CTNNA3: variants seen among roughly 807,000 people sequenced by gnomAD.
CTNNA3 encodes the protein catenin alpha-3.
In CTNNA3, 76 loss-of-function variants were observed where a neutral mutation model predicts 95.7. The observed-to-expected ratio is 0.79, with a 90% CI of 0.66 to 0.96. CTNNA3 has a LOEUF of 0.96. Ranked by LOEUF, CTNNA3 falls within the 40% of genes least tolerant of loss-of-function variation. CTNNA3 has a pLI of 0.00. For missense variants in CTNNA3, 1,191 were observed against 1,089.8 expected, an observed-to-expected ratio of 1.09 and a Z score of -1.31; for synonymous variants, 431 against 374.4, an observed-to-expected ratio of 1.15 and a Z score of -1.74.
At chr10:67,566,043 G>GTATATATATATATATATATATATATATA (rs772272609) in intron 3 of CTNNA3, among the ~76,000 whole-genome samples, 332 of 26,800 alleles carry the variant, frequency 0.012, 34 homozygotes, top group Middle Eastern at 0.025. Flanking sequence ...ATGTGTGTGT[G>GTATATATATATATATATATATATATATA]TATATATATA....
intron 13 of CTNNA3, among the ~76,000 whole-genome samples, chr10:66,161,671 G>A (rs1388639939): frequency 6.6e-6 from 1 of 152,176 alleles, no homozygotes; most frequent in East Asian, 1.9e-4. Flanking sequence ...TGATGACAAT[G>A]TGCCTAGGCA....
At chr10:66,042,832 G>A (rs1438471000) in intron 15 of CTNNA3, among the ~76,000 whole-genome samples, 3 of 143,130 alleles carry the variant, frequency 2.1e-5, no homozygotes, top group South Asian at 2.3e-4. Flanking sequence ...CCCAGGAGGC[G>A]GAGGTTGCAG....
chr10:66,232,893 C>T (rs1178960348), intron 13 of CTNNA3, among the ~76,000 whole-genome samples: 1 of 152,056 alleles, frequency 6.6e-6, no homozygotes, highest in Admixed American at 6.5e-5. Flanking sequence ...CGCGGTGGCT[C>T]ACGCCTGTAA....
intron 11 of CTNNA3, among the ~76,000 whole-genome samples, chr10:66,442,392 A>G (rs954322142): frequency 6.6e-6 from 1 of 152,148 alleles, no homozygotes; most frequent in Non-Finnish European, 1.5e-5. Flanking sequence ...CTTGACCTCA[A>G]GCTTTTTAAA....
At chr10:66,239,917 A>T (rs896684788) in intron 13 of CTNNA3, among the ~76,000 whole-genome samples, 16 of 152,066 alleles carry the variant, frequency 1.1e-4, no homozygotes, top group African/African-American at 3.9e-4. Context: ...ATAAACACTA[A>T]AGTAGAAAAC....
chr10:66,157,914 T>C (rs1163271915), intron 13 of CTNNA3, among the ~76,000 whole-genome samples: 1 of 152,146 alleles, frequency 6.6e-6, no homozygotes, highest in Admixed American at 6.6e-5. Flanking sequence ...TGATCATTAG[T>C]GATGTTGAGC....
chr10:67,643,547 T>C (rs1839608182), intron 2 of CTNNA3, among the ~76,000 whole-genome samples: 1 of 152,110 alleles, frequency 6.6e-6, no homozygotes, highest in Non-Finnish European at 1.5e-5. Context: ...TTTTTTCTTT[T>C]ATTATACCTT....
At chr10:66,621,441 T>C (rs965085805) in intron 10 of CTNNA3, among the ~76,000 whole-genome samples, 2 of 151,752 alleles carry the variant, frequency 1.3e-5, no homozygotes, top group African/African-American at 4.8e-5. Context: ...CTGGCCAACA[T>C]GGTGAAACCC....
At chr10:67,487,055 T>G (rs985920036) in intron 5 of CTNNA3, among the ~76,000 whole-genome samples, 3 of 152,142 alleles carry the variant, frequency 2.0e-5, no homozygotes, top group African/African-American at 7.2e-5. Flanking sequence ...GCCCCATCAG[T>G]GTCCCAGGCA....
chr10:66,279,178 C>A (rs764061251), intron 13 of CTNNA3, among the ~76,000 whole-genome samples: 1 of 151,984 alleles, frequency 6.6e-6, no homozygotes, highest in Non-Finnish European at 1.5e-5. Flanking sequence ...TGCCAGACTC[C>A]GTAATATTTA....
At chr10:67,715,065 G>C (rs1242940842) in intron 1 of CTNNA3, among the ~76,000 whole-genome samples, 1 of 152,164 alleles carries the variant, frequency 6.6e-6, no homozygotes, top group Non-Finnish European at 1.5e-5. Flanking sequence ...GCACAATTGA[G>C]AGAGCTCTTG....
At chr10:66,118,271 C>G (rs1476362501) in intron 13 of CTNNA3, 1 of 152,110 alleles carries the variant, frequency 6.6e-6, no homozygotes, top group Non-Finnish European at 1.5e-5. Flanking sequence ...CTCTCTGTTA[C>G]TACTCCCTTT....
intron 5 of CTNNA3, among the ~76,000 whole-genome samples, chr10:67,232,766 A>G (rs1865277207): frequency 6.6e-6 from 1 of 151,868 alleles, no homozygotes; most frequent in South Asian, 2.1e-4. Flanking sequence ...CAGGAAACCC[A>G]TCTCACGTGC....
intron 9 of CTNNA3, among the ~76,000 whole-genome samples, chr10:66,680,158 C>T (rs1022060116): frequency 4.6e-5 from 6 of 130,770 alleles, no homozygotes; most frequent in African/African-American, 1.9e-4. Flanking sequence ...CCACCATGCC[C>T]GACTAATGTT....
intron 5 of CTNNA3, among the ~76,000 whole-genome samples, chr10:67,402,819 C>A (rs925723501): frequency 4.6e-5 from 7 of 152,166 alleles, no homozygotes; most frequent in African/African-American, 1.7e-4. Flanking sequence ...CACAGAGACC[C>A]AGGAGATTTA....
chr10:67,721,278 T>A (rs551820224), intron 1 of CTNNA3, among the ~76,000 whole-genome samples: 1 of 152,308 alleles, frequency 6.6e-6, no homozygotes, highest in Admixed American at 6.5e-5. Context: ...ATTCTCTCCA[T>A]CAGTTTCAGG....
chr10:66,334,895 A>G (rs2092377015), intron 12 of CTNNA3, among the ~76,000 whole-genome samples: 1 of 152,080 alleles, frequency 6.6e-6, no homozygotes, highest in African/African-American at 2.4e-5. Flanking sequence ...GGTCTTTCAC[A>G]TAGTTCCATA....
chr10:66,484,521 A>G (rs1839658574), intron 11 of CTNNA3, among the ~76,000 whole-genome samples: 1 of 152,068 alleles, frequency 6.6e-6, no homozygotes. Context: ...TCTGAGAAGC[A>G]ATATGATAAT....
intron 17 of CTNNA3, among the ~76,000 whole-genome samples, chr10:65,955,289 T>C (rs1027174069): frequency 6.6e-6 from 1 of 152,194 alleles, no homozygotes; most frequent in Admixed American, 6.5e-5. Context: ...GATTTTGGGT[T>C]GAGACGATGG....
Sources: allele counts gnomAD v4.1 joint callset (sites outside exome capture counted in the v4.1 genomes callset), GRCh38; gene constraint gnomAD v4.1.1; transcripts MANE v1.5; gene names NCBI Gene and HGNC (gene_info 2026-07-23, HGNC 2026-07-21).